The following PCGF5 variants were observed in gnomAD, a reference collection of about 807,000 sequenced individuals.
The protein encoded by PCGF5 is polycomb group ring finger 5.
PCGF5 carries 9 observed loss-of-function variants against 44.3 expected under a neutral mutation model. That is an observed-to-expected ratio of 0.20 (90% CI 0.12 to 0.35). The LOEUF is 0.35. Ranked by LOEUF, PCGF5 falls within the 10% of genes least tolerant of loss-of-function variation. PCGF5 has a pLI of 1.00. For synonymous variants in PCGF5, 95 were observed against 102.5 expected (o/e 0.93, Z 0.44); for missense variants, 146 against 305.3 (o/e 0.48, Z 3.89).
intron 3 of PCGF5, among the ~76,000 whole-genome samples, chr10:91,245,166 G>A (rs1845427746): frequency 6.6e-6 from 1 of 152,140 alleles, no homozygotes; most frequent in Admixed American, 6.6e-5. Flanking sequence ...GGCACAACCA[G>A]TGAGGTAGAG....
At chr10:91,187,476 G>A (rs1210107254) in intron 1 of PCGF5, among the ~76,000 whole-genome samples, 4 of 151,950 alleles carry the variant, frequency 2.6e-5, no homozygotes, top group South Asian at 2.1e-4. Context: ...GGTAGAGGTC[G>A]CTATCAGAGA....
intron 1 of PCGF5, among the ~76,000 whole-genome samples, chr10:91,212,148 C>G (rs530953021): frequency 6.6e-6 from 1 of 152,188 alleles, no homozygotes; most frequent in African/African-American, 2.4e-5. Flanking sequence ...GAGCTCATTC[C>G]ATTGTTAGTT....
At chr10:91,220,419 C>G (rs2133270535), upstream of PCGF5, 1 of 152,404 alleles carries the variant, frequency 6.6e-6, no homozygotes, top group East Asian at 1.9e-4. Context: ...AAGGGGTGGA[C>G]GGTGAGGATA....
upstream of PCGF5, among the ~76,000 whole-genome samples, chr10:91,215,497 A>C (rs796953019): frequency 1.3e-5 from 2 of 152,256 alleles, no homozygotes; most frequent in Admixed American, 1.3e-4. Flanking sequence ...GGAGGCTGTC[A>C]GGTCTGATCT....
chr10:91,210,695 C>T (rs1844435941), intron 1 of PCGF5, among the ~76,000 whole-genome samples: 1 of 152,192 alleles, frequency 6.6e-6, no homozygotes, highest in Non-Finnish European at 1.5e-5. Flanking sequence ...CACCTGGTAC[C>T]AATTAAGACC....
chr10:91,192,696 A>G (rs1216707647), intron 1 of PCGF5, among the ~76,000 whole-genome samples: 2 of 152,208 alleles, frequency 1.3e-5, no homozygotes, highest in Non-Finnish European at 2.9e-5. Flanking sequence ...CATAGTAAAC[A>G]TTTATTATAT....
At chr10:91,261,464 T>C in intron 7 of PCGF5, 40 bp downstream of exon 7, 1 of 1,380,688 alleles carries the variant, frequency 7.2e-7, no homozygotes, top group Non-Finnish European at 9.5e-7. Flanking sequence ...TTTTGATAAT[T>C]CTGATTTGAA....
intron 1 of PCGF5, among the ~76,000 whole-genome samples, chr10:91,179,595 T>A (rs1264052897): frequency 6.6e-6 from 1 of 152,222 alleles, no homozygotes; most frequent in Non-Finnish European, 1.5e-5. Flanking sequence ...TGACAACATG[T>A]GGCGTTTGGT....
At chr10:91,198,691 G>A (rs373876389) in intron 1 of PCGF5, among the ~76,000 whole-genome samples, 19 of 152,330 alleles carry the variant, frequency 1.2e-4, no homozygotes, top group African/African-American at 4.1e-4. Flanking sequence ...AATCTCCCTG[G>A]CCTATTCAGT....
intron 1 of PCGF5, among the ~76,000 whole-genome samples, chr10:91,178,667 G>A (rs543329371): frequency 3.9e-5 from 6 of 152,140 alleles, no homozygotes; most frequent in Non-Finnish European, 7.4e-5. Context: ...GGGATTACAG[G>A]TGTGAGCCCC....
chr10:91,166,338 G>T (rs1019535707), intron 1 of PCGF5, among the ~76,000 whole-genome samples: 1 of 152,282 alleles, frequency 6.6e-6, no homozygotes, highest in African/African-American at 2.4e-5. Flanking sequence ...ACATCTAGGG[G>T]CTCAACAAAT....
chr10:91,170,802 C>A (rs897546560), intron 1 of PCGF5, among the ~76,000 whole-genome samples: 1 of 152,196 alleles, frequency 6.6e-6, no homozygotes, highest in African/African-American at 2.4e-5. Context: ...ACACAGAAAC[C>A]TGCACACTGA....
At chr10:91,201,072 A>C (rs376232038) in intron 1 of PCGF5, among the ~76,000 whole-genome samples, 2 of 152,174 alleles carry the variant, frequency 1.3e-5, no homozygotes, top group African/African-American at 4.8e-5. Flanking sequence ...TATAAAAGTG[A>C]GAAGAGCTGC....
intron 1 of PCGF5, among the ~76,000 whole-genome samples, chr10:91,190,000 T>G (rs1308357391): frequency 1.3e-5 from 2 of 152,232 alleles, no homozygotes; most frequent in Non-Finnish European, 2.9e-5. Flanking sequence ...GGTTAATATC[T>G]TAGTTTGTTT....
chr10:91,208,673 G>A (rs1451592767), intron 1 of PCGF5, among the ~76,000 whole-genome samples: 1 of 152,174 alleles, frequency 6.6e-6, no homozygotes, highest in African/African-American at 2.4e-5. Flanking sequence ...GAGAGAGGAT[G>A]TGTACCCCAC....
At chr10:91,194,645 T>C (rs542538794) in intron 1 of PCGF5, among the ~76,000 whole-genome samples, 3 of 152,164 alleles carry the variant, frequency 2.0e-5, no homozygotes, top group East Asian at 3.9e-4. Context: ...GAGTAAGCAG[T>C]TGGATATGAG....
intron 1 of PCGF5, among the ~76,000 whole-genome samples, chr10:91,182,465 C>T (rs796732228): frequency 2.6e-5 from 4 of 151,900 alleles, no homozygotes; most frequent in African/African-American, 9.7e-5. Context: ...AGCTAGTTGT[C>T]TATATATTTT....
At chr10:91,238,739 A>G (rs1345964804) in intron 2 of PCGF5, among the ~76,000 whole-genome samples, 1 of 150,272 alleles carries the variant, frequency 6.7e-6, no homozygotes, top group Non-Finnish European at 1.5e-5. Flanking sequence ...TCAACTTGGC[A>G]TAATAAGGCA....
intron 1 of PCGF5, among the ~76,000 whole-genome samples, chr10:91,170,021 G>A (rs542303741): frequency 3.9e-5 from 6 of 152,286 alleles, no homozygotes; most frequent in South Asian, 4.1e-4. Context: ...AGTGGAGAAA[G>A]GATAGTCTTT....
Sources: gnomAD v4.1 joint callset for allele counts (sites outside exome capture counted in the v4.1 genomes callset) on GRCh38, gnomAD v4.1.1 for gene constraint, MANE v1.5 for transcripts, NCBI Gene and HGNC (gene_info 2026-07-23, HGNC 2026-07-21) for gene names.